Variants in BNC2 observed in about 807,000 individuals in gnomAD.
BNC2 encodes zinc finger protein basonuclin-2.
In BNC2, 20 loss-of-function variants were observed where a neutral mutation model predicts 76.3. The ratio of observed to expected loss-of-function variants is 0.26; its 90% CI spans 0.18 to 0.38. The LOEUF is 0.38. Among genes scored for constraint, BNC2 ranks in the 10% least tolerant of loss-of-function variants. BNC2 has a pLI of 1.00. For missense variants in BNC2, 1,382 were observed against 1,399.8 expected, an observed-to-expected ratio of 0.99 and a Z score of 0.20; for synonymous variants, 582 against 514.8, an observed-to-expected ratio of 1.13 and a Z score of -1.77.
intron 3 of BNC2, among the ~76,000 whole-genome samples, chr9:16,663,130 C>CTTTTTTTTTTTTTTTTTTTTTTTTTTTTT (rs71325979): frequency 3.0e-5 from 3 of 99,618 alleles, no homozygotes; most frequent in African/African-American, 1.1e-4. Context: ...TCTGTTTACT[C>CTTTTTTTTTTTTTTTTTTTTTTTTTTTTT]TTTTTTTTTT....
At chr9:16,624,309 T>C (rs1820935986) in intron 3 of BNC2, among the ~76,000 whole-genome samples, 1 of 152,166 alleles carries the variant, frequency 6.6e-6, no homozygotes, top group Non-Finnish European at 1.5e-5. Flanking sequence ...TACCCGATTA[T>C]ACCAAACTTT....
At chr9:16,455,934 G>C (rs1161714896) in intron 5 of BNC2, among the ~76,000 whole-genome samples, 1 of 152,106 alleles carries the variant, frequency 6.6e-6, no homozygotes, top group Non-Finnish European at 1.5e-5. Context: ...GAATAAAAAA[G>C]CTTGCCTTAT....
chr9:16,861,216 T>C (rs1819402666), intron 1 of BNC2, among the ~76,000 whole-genome samples: 1 of 135,492 alleles, frequency 7.4e-6, no homozygotes, highest in Admixed American at 7.1e-5. Flanking sequence ...TAACCAGGCA[T>C]CGTGGCTTGC....
intron 3 of BNC2, among the ~76,000 whole-genome samples, chr9:16,665,386 A>AAGAGAGAGAGAGAGAGAGAG (rs55852227): frequency 7.1e-5 from 6 of 84,296 alleles, no homozygotes; most frequent in African/African-American, 2.9e-4. Flanking sequence ...AAAAAAAAAA[A>AAGAGAGAGAGAGAGAGAGAG]AGAGAGAGAG....
At chr9:16,828,178 G>A (rs755571899) in intron 1 of BNC2, among the ~76,000 whole-genome samples, 1 of 152,178 alleles carries the variant, frequency 6.6e-6, no homozygotes, top group East Asian at 1.9e-4. Context: ...GATAAAAATG[G>A]AGTAGCTTAA....
At chr9:16,845,720 CAAAATAAAATA>C (rs993242949) in intron 1 of BNC2, among the ~76,000 whole-genome samples, 7 of 152,114 alleles carry the variant, frequency 4.6e-5, no homozygotes, top group Non-Finnish European at 1.0e-4. Flanking sequence ...GACTCCGTCT[CAAAATAAAATA>C]AAAATAAAAT....
rs569090111 is a variant in BNC2, at chr9:16,636,679, C to T, written c.331-53594G>A. ...TGAAAGAAGAATCCAGTAACAGATT[C>T]CAAATCTAAAGAACAACAAGAAAAT... On this transcript the variant is annotated intron_variant, in intron 3 of 6. Coordinates refer to ENST00000380672, the MANE Select transcript of BNC2 (RefSeq NM_017637.6). 8.5e-5 allele frequency among the ~76,000 whole-genome samples: 13 copies of T among 152,154 alleles called. No individual in the cohort carries two copies. In the South Asian group the frequency reaches 1.7e-3, roughly 19 times the overall value.
Position 16,465,323 on chromosome 9 carries a change from C to T in BNC2, c.670-27799G>A, listed in dbSNP as rs1821681101. Among the ~76,000 whole-genome samples, 4 of 149,266 alleles carry T rather than the reference C, an allele frequency of 2.7e-5. No individual in the cohort carries two copies. In the South Asian group the frequency reaches 8.5e-4, roughly 32 times the overall value. The stretch of plus-strand genomic sequence containing the variant: ...TGGTGGCAGGCGCCTGTAGTCCCAG[C>T]TACTATGGAGGCTTAGGCATGAGAA... On this transcript the variant is annotated intron_variant, in intron 5 of 6. Coordinates refer to ENST00000380672, the MANE Select transcript of BNC2 (RefSeq NM_017637.6).
chr9:16,616,539 A>G (rs1182039232), intron 3 of BNC2, among the ~76,000 whole-genome samples: 1 of 151,758 alleles, frequency 6.6e-6, no homozygotes, highest in Non-Finnish European at 1.5e-5. Context: ...TCTACAAAAA[A>G]AATTTTTTAA....
chr9:16,730,238 T>C (rs1177781041), intron 2 of BNC2, among the ~76,000 whole-genome samples: 4 of 152,182 alleles, frequency 2.6e-5, no homozygotes, highest in African/African-American at 7.2e-5. Context: ...AAAGCCGATA[T>C]AATTAACTAG....
chr9:16,769,210 T>C (rs1005374419), intron 1 of BNC2, among the ~76,000 whole-genome samples: 8 of 152,218 alleles, frequency 5.3e-5, no homozygotes, highest in African/African-American at 1.7e-4. Flanking sequence ...TAAGTGCGCT[T>C]TTTGTTTAAG....
chr9:16,420,321 T>G (rs1820684298), intron 6 of BNC2, among the ~76,000 whole-genome samples: 1 of 152,204 alleles, frequency 6.6e-6, no homozygotes, highest in Non-Finnish European at 1.5e-5. Context: ...CAGAATGATT[T>G]GGGAATCCCA....
chr9:16,602,920 T>C (rs1165044640), intron 3 of BNC2, among the ~76,000 whole-genome samples: 1 of 152,212 alleles, frequency 6.6e-6, no homozygotes, highest in Admixed American at 6.5e-5. Flanking sequence ...ACTAATAAAA[T>C]GATAAACTAA....
At chr9:16,776,812 A>C (rs562103792) in intron 1 of BNC2, among the ~76,000 whole-genome samples, 207 of 152,326 alleles carry the variant, frequency 1.4e-3, no homozygotes, top group African/African-American at 3.6e-3. Flanking sequence ...ACGAATATGA[A>C]GGAATCATTC....
At chr9:16,777,579 T>C (rs1016001980) in intron 1 of BNC2, among the ~76,000 whole-genome samples, 14 of 151,560 alleles carry the variant, frequency 9.2e-5, no homozygotes, top group South Asian at 2.1e-4. Flanking sequence ...CGGGTGCCTG[T>C]AGTCCCAGCT....
At chr9:16,571,374 T>C (rs1213888195) in intron 4 of BNC2, among the ~76,000 whole-genome samples, 1 of 152,218 alleles carries the variant, frequency 6.6e-6, no homozygotes, top group Non-Finnish European at 1.5e-5. Flanking sequence ...CACATATATA[T>C]AGGATAAATG....
chr9:16,486,662 A>T, intron 5 of BNC2, among the ~76,000 whole-genome samples: 1 of 152,216 alleles, frequency 6.6e-6, no homozygotes, highest in South Asian at 2.1e-4. Flanking sequence ...TGTTCTTTAA[A>T]GTTCTCCTGG....
intron 1 of BNC2, among the ~76,000 whole-genome samples, chr9:16,812,357 A>G (rs1453344321): frequency 1.3e-5 from 2 of 152,196 alleles, no homozygotes; most frequent in East Asian, 3.9e-4. Context: ...AACACTTGGG[A>G]GTCTTCTGTG....
intron 1 of BNC2, among the ~76,000 whole-genome samples, chr9:16,852,966 C>T (rs1819163252): frequency 2.0e-5 from 3 of 152,182 alleles, no homozygotes; most frequent in South Asian, 4.2e-4. Context: ...CATTACATAT[C>T]CTTTTCAGTG....
Sources: gnomAD v4.1 joint callset for allele counts (sites outside exome capture counted in the v4.1 genomes callset) on GRCh38, gnomAD v4.1.1 for gene constraint, MANE v1.5 for transcripts, NCBI Gene and HGNC (gene_info 2026-07-23, HGNC 2026-07-21) for gene names.